PLXNA4: variants seen among roughly 807,000 people sequenced by gnomAD.
PLXNA4 encodes the protein plexin-A4.
A neutral mutation model predicts 191.8 loss-of-function variants in PLXNA4; 44 were observed. That is an observed-to-expected ratio of 0.23 (90% CI 0.18 to 0.29). PLXNA4 has a LOEUF of 0.29. Among genes scored for constraint, PLXNA4 ranks in the 10% least tolerant of loss-of-function variants. The pLI is 1.00. For synonymous variants in PLXNA4, 1,082 were observed against 1,009.5 expected, an observed-to-expected ratio of 1.07 and a Z score of -1.36; for missense variants, 1,800 against 2,488.8, an observed-to-expected ratio of 0.72 and a Z score of 5.89.
chr7:132,465,454 T>C (rs1190280834), intron 3 of PLXNA4, among the ~76,000 whole-genome samples: 2 of 152,382 alleles, frequency 1.3e-5, no homozygotes, highest in East Asian at 1.9e-4. Flanking sequence ...CTGGGGCTTA[T>C]AAGAATCCAG....
intron 2 of PLXNA4, among the ~76,000 whole-genome samples, chr7:132,638,905 C>T (rs1235371147): frequency 6.6e-6 from 1 of 152,078 alleles, no homozygotes; most frequent in Non-Finnish European, 1.5e-5. Context: ...GACTCTGAGC[C>T]CCAGCCTGCT....
intron 2 of PLXNA4, among the ~76,000 whole-genome samples, chr7:132,627,622 T>C (rs1343450716): frequency 6.6e-6 from 1 of 152,236 alleles, no homozygotes; most frequent in Non-Finnish European, 1.5e-5. Context: ...TCCACACTTA[T>C]ATATGGGATT....
chr7:132,561,452 C>G (rs1563172604), intron 1 of PLXNA4, among the ~76,000 whole-genome samples: 1 of 136,962 alleles, frequency 7.3e-6, no homozygotes, highest in Non-Finnish European at 1.6e-5. Flanking sequence ...TTCTTGTCCT[C>G]CTCCTTCTTG....
intron 9 of PLXNA4, among the ~76,000 whole-genome samples, chr7:132,216,402 T>C (rs921869484): frequency 6.6e-6 from 1 of 152,168 alleles, no homozygotes; most frequent in African/African-American, 2.4e-5. Flanking sequence ...AACCAGTGAA[T>C]GAATACTGAA....
chr7:132,469,256 C>T (rs943245278), intron 3 of PLXNA4, among the ~76,000 whole-genome samples: 6 of 151,974 alleles, frequency 3.9e-5, no homozygotes, highest in African/African-American at 1.5e-4. Context: ...TGAAGAAATG[C>T]CTTACCTCCC....
chr7:132,198,763 C>G, intron 12 of PLXNA4, 127 bp from the exon 13 acceptor site: 1 of 1,410,842 alleles, frequency 7.1e-7, no homozygotes, highest in Non-Finnish European at 9.4e-7. Context: ...TTGAAGTCAC[C>G]AAGGGCACCC....
intron 29 of PLXNA4, among the ~76,000 whole-genome samples, chr7:132,141,417 G>A (rs1027020603): frequency 2.6e-5 from 4 of 152,168 alleles, no homozygotes; most frequent in East Asian, 1.9e-4. Context: ...GGGCCCCATC[G>A]TATTCCCTCC....
At chr7:132,446,124 A>G (rs1795903531) in intron 3 of PLXNA4, among the ~76,000 whole-genome samples, 1 of 151,996 alleles carries the variant, frequency 6.6e-6, no homozygotes, top group Non-Finnish European at 1.5e-5. Flanking sequence ...CTGACCCCCA[A>G]CCTCCCTGAG....
At chr7:132,484,929 G>C (rs1461085669) in intron 3 of PLXNA4, 2 of 1,614,026 alleles carry the variant, frequency 1.2e-6, no homozygotes, top group Middle Eastern at 1.6e-4. Context: ...ATCTGTTCCT[G>C]AGAAGCAATG....
chr7:132,582,798 A>G (rs1009303896), intron 2 of PLXNA4, among the ~76,000 whole-genome samples: 5 of 152,228 alleles, frequency 3.3e-5, no homozygotes, highest in Non-Finnish European at 5.9e-5. Flanking sequence ...GGAAGATATC[A>G]TTCCTCTGAC....
At chr7:132,637,640 C>T (rs1199826003) in intron 2 of PLXNA4, among the ~76,000 whole-genome samples, 1 of 152,242 alleles carries the variant, frequency 6.6e-6, no homozygotes, top group Non-Finnish European at 1.5e-5. Context: ...CCTTGGCAGC[C>T]TTAGCATTGG....
At chr7:132,268,674 C>T (rs1268767639) in intron 4 of PLXNA4, among the ~76,000 whole-genome samples, 1 of 152,192 alleles carries the variant, frequency 6.6e-6, no homozygotes, top group Middle Eastern at 3.2e-3. Context: ...TCTACTCCCA[C>T]ATGACATCTC....
chr7:132,357,508 G>A (rs1455730119), intron 3 of PLXNA4, among the ~76,000 whole-genome samples: 1 of 152,160 alleles, frequency 6.6e-6, no homozygotes, highest in Admixed American at 6.5e-5. Flanking sequence ...GTTTGGTCCT[G>A]AATCCGTGTT....
chr7:132,310,055 T>C (rs1801669031), intron 3 of PLXNA4, among the ~76,000 whole-genome samples: 2 of 152,154 alleles, frequency 1.3e-5, no homozygotes, highest in Non-Finnish European at 2.9e-5. Flanking sequence ...AGGTCAGTGG[T>C]GTAGAGCTTA....
At position 132,147,867 on chromosome 7, in the gene PLXNA4, C is replaced by T. The variant is rs190404866; in HGVS notation, c.4864+33G>A. 176 of 1,613,206 alleles carry T rather than the reference C, an allele frequency of 1.1e-4. No homozygotes were observed. In the African/African-American group the frequency reaches 1.1e-3, roughly 10 times the overall value. ...CATGACAACAGCTGCTCAGGACACC[C>T]AGGCCTCCCTAGGACACTCGGTGGG... On this transcript the variant is annotated intron_variant, in intron 27 of 31. Transcript: ENST00000321063.
intron 2 of PLXNA4, among the ~76,000 whole-genome samples, chr7:132,600,365 T>C (rs900807838): frequency 1.3e-4 from 20 of 152,176 alleles, no homozygotes; most frequent in Non-Finnish European, 2.6e-4. Context: ...CTTTATTTTA[T>C]TTTATCATTT....
intron 3 of PLXNA4, among the ~76,000 whole-genome samples, chr7:132,408,210 C>A (rs761046670): frequency 4.0e-5 from 6 of 151,636 alleles, no homozygotes; most frequent in Non-Finnish European, 7.4e-5. Flanking sequence ...GAAGAGTTTA[C>A]AAAAAGTGGG....
chr7:132,167,644 C>T (rs181567928), intron 22 of PLXNA4, among the ~76,000 whole-genome samples: 23 of 152,228 alleles, frequency 1.5e-4, no homozygotes, highest in Non-Finnish European at 2.6e-4. Flanking sequence ...AAAGGATCCT[C>T]CTATCCCAGC....
intron 1 of PLXNA4, among the ~76,000 whole-genome samples, chr7:132,565,205 C>A (rs143957569): frequency 6.6e-6 from 1 of 152,134 alleles, no homozygotes; most frequent in Non-Finnish European, 1.5e-5. Context: ...GGGCTGCAGA[C>A]GCGAAACAGC....
Sources: gnomAD v4.1 joint callset for allele counts (sites outside exome capture counted in the v4.1 genomes callset) on GRCh38, gnomAD v4.1.1 for gene constraint, MANE v1.5 for transcripts, NCBI Gene and HGNC (gene_info 2026-07-23, HGNC 2026-07-21) for gene names.